The following BLTP1 variants were observed in gnomAD, a reference collection of about 807,000 sequenced individuals.
BLTP1 encodes the protein bridge-like lipid transfer protein family member 1.
chr4:122,197,912 T>G, the BLTP1 span: 2 of 935,266 alleles, frequency 2.1e-6, no homozygotes, highest in Non-Finnish European at 2.6e-6. Context: ...TCATTTTGCC[T>G]TGTAATTGAG....
the BLTP1 span, chr4:122,331,449 T>C: frequency 6.8e-6 from 11 of 1,612,002 alleles, no homozygotes; most frequent in Non-Finnish European, 9.3e-6. Context: ...ATATTGACTT[T>C]GAACTTGATA....
the BLTP1 span, chr4:122,209,190 C>G: frequency 6.2e-7 from 1 of 1,607,010 alleles, no homozygotes; most frequent in Non-Finnish European, 8.5e-7. Flanking sequence ...TTGTTTCTAC[C>G]AGACTGCCAC....
chr4:122,190,970 A>G, the BLTP1 span, among the ~76,000 whole-genome samples: 2 of 152,134 alleles, frequency 1.3e-5, no homozygotes, highest in Non-Finnish European at 2.9e-5. Flanking sequence ...ATGGTGGGTA[A>G]AACTGTTGTT....
chr4:122,222,014 T>TGTCTCTCC, the BLTP1 span: 1 of 515,920 alleles, frequency 1.9e-6, no homozygotes. Flanking sequence ...GACTGAATTA[T>TGTCTCTCC]AAAGTATGAC....
At chr4:122,207,620 T>C in the BLTP1 span, 2 of 1,603,766 alleles carry the variant, frequency 1.2e-6, no homozygotes, top group Non-Finnish European at 1.7e-6. Flanking sequence ...CTACATGTAA[T>C]ACCAAGTTCT....
chr4:122,348,780 GTAAAGA>G, the BLTP1 span: 2 of 1,124,586 alleles, frequency 1.8e-6, no homozygotes, highest in African/African-American at 1.6e-5. Flanking sequence ...TTCTACTGTA[GTAAAGA>G]TATTCAGAAC....
chr4:122,352,864 T>A, the BLTP1 span: 1 of 1,605,754 alleles, frequency 6.2e-7, no homozygotes, highest in Non-Finnish European at 8.5e-7. Flanking sequence ...AGGGTACTCA[T>A]TAGGCACTTC....
At chr4:122,234,501 T>C in the BLTP1 span, among the ~76,000 whole-genome samples, 207 of 152,234 alleles carry the variant, frequency 1.4e-3, 3 homozygotes, top group African/African-American at 4.7e-3. Context: ...TTTGCTTTTT[T>C]TTTAATGCTT....
chr4:122,265,246 A>G, the BLTP1 span, among the ~76,000 whole-genome samples: 12 of 152,242 alleles, frequency 7.9e-5, no homozygotes, highest in Non-Finnish European at 1.5e-4. Flanking sequence ...ATATATTTGC[A>G]TACAACATAC....
the BLTP1 span, among the ~76,000 whole-genome samples, chr4:122,240,560 G>A: frequency 6.6e-6 from 1 of 152,130 alleles, no homozygotes; most frequent in Admixed American, 6.5e-5. Flanking sequence ...TGGTTTATGA[G>A]TTGCCACTGC....
chr4:122,296,397 A>G, the BLTP1 span, among the ~76,000 whole-genome samples: 1 of 152,226 alleles, frequency 6.6e-6, no homozygotes, highest in Non-Finnish European at 1.5e-5. Context: ...ACTACAAAGC[A>G]CTGCTCAAGG....
chr4:122,199,207 G>A, the BLTP1 span: 3 of 965,446 alleles, frequency 3.1e-6, no homozygotes, highest in South Asian at 6.4e-5. Context: ...TATTAAGTTA[G>A]CAAGCTCCCT....
At chr4:122,230,100 G>C in the BLTP1 span, 1 of 1,614,068 alleles carries the variant, frequency 6.2e-7, no homozygotes, top group African/African-American at 1.3e-5. Context: ...CTTGAAGCTG[G>C]GTCAGCCAAT....
At chr4:122,209,842 T>C in the BLTP1 span, 1 of 1,613,586 alleles carries the variant, frequency 6.2e-7, no homozygotes, top group Middle Eastern at 1.7e-4. Context: ...AATGCTGGAC[T>C]GTCCCAAGTG....
chr4:122,209,766 C>A, the BLTP1 span: 1 of 1,588,222 alleles, frequency 6.3e-7, no homozygotes, highest in South Asian at 1.2e-5. Flanking sequence ...TATCTCTGTA[C>A]AATTAAAGGA....
the BLTP1 span, chr4:122,192,434 T>C: frequency 1.8e-6 from 2 of 1,118,504 alleles, no homozygotes; most frequent in South Asian, 1.8e-5. Context: ...TAGATGTATA[T>C]AATTTTAAAT....
the BLTP1 span, chr4:122,355,967 A>C: frequency 6.2e-7 from 1 of 1,610,832 alleles, no homozygotes; most frequent in East Asian, 2.2e-5. Flanking sequence ...CATGTTCAAG[A>C]ACCACAGGAG....
the BLTP1 span, chr4:122,244,041 C>A: frequency 3.2e-6 from 5 of 1,561,894 alleles, no homozygotes; most frequent in South Asian, 3.7e-5. Flanking sequence ...TTGATTTTGT[C>A]TAGAAATACA....
the BLTP1 span, among the ~76,000 whole-genome samples, chr4:122,265,636 G>T: frequency 6.6e-6 from 1 of 152,156 alleles, no homozygotes; most frequent in Non-Finnish European, 1.5e-5. Context: ...TAGGACAATC[G>T]GAAATACAGG....
Sources: gnomAD v4.1 joint callset for allele counts (sites outside exome capture counted in the v4.1 genomes callset) on GRCh38, gnomAD v4.1.1 for gene constraint, MANE v1.5 for transcripts, NCBI Gene and HGNC (gene_info 2026-07-23, HGNC 2026-07-21) for gene names.